The following DCC variants were observed in gnomAD, a reference collection of about 807,000 sequenced individuals.
DCC encodes the protein DCC netrin 1 receptor, also known as netrin receptor DCC.
A neutral mutation model predicts 172.5 loss-of-function variants in DCC; 58 were observed. The observed-to-expected ratio is 0.34, with a 90% CI of 0.27 to 0.42. The LOEUF (loss-of-function observed/expected upper bound fraction) is 0.42. Ranked by LOEUF, DCC falls within the 10% of genes least tolerant of loss-of-function variation. The pLI is 1.00. For missense variants in DCC, 1,740 were observed against 1,791.0 expected (o/e 0.97, Z 0.51); for synonymous variants, 709 against 644.5 (o/e 1.10, Z -1.52).
rs139837043 is a variant in DCC, at chr18:53,265,726, C to T, written c.1912-39852C>T. The stretch of plus-strand genomic sequence containing the variant: ...ATGCAGATGATGCAACAGACATTCT[C>T]AGCTCCGATCTGTTATCTAGGGCTT... On this transcript the variant is annotated intron_variant, in intron 12 of 28. Coordinates refer to ENST00000442544, the MANE Select transcript of DCC (RefSeq NM_005215.4). Among the ~76,000 whole-genome samples, 6 of 152,344 alleles carry T rather than the reference C, an allele frequency of 3.9e-5. No homozygotes were observed. The East Asian group carries it at 1.2e-3, about 29-fold the overall frequency.
chr18:53,073,920 A>T (rs180892399), intron 7 of DCC, among the ~76,000 whole-genome samples: 29 of 151,354 alleles, frequency 1.9e-4, no homozygotes, highest in African/African-American at 6.8e-4. Context: ...TAATATAATT[A>T]CATTATAATT....
chr18:52,439,076 G>C (rs368031191), intron 1 of DCC, among the ~76,000 whole-genome samples: 9 of 152,030 alleles, frequency 5.9e-5, no homozygotes, highest in African/African-American at 2.2e-4. Flanking sequence ...AGGTAAATTC[G>C]AAATTAATAC....
At chr18:52,505,663 C>T (rs1352336774) in intron 1 of DCC, among the ~76,000 whole-genome samples, 2 of 152,104 alleles carry the variant, frequency 1.3e-5, no homozygotes, top group African/African-American at 4.8e-5. Context: ...TTTAAGTCCA[C>T]ACCATCTGAG....
intron 15 of DCC, among the ~76,000 whole-genome samples, chr18:53,349,718 C>A (rs1395435482): frequency 6.6e-6 from 1 of 152,172 alleles, no homozygotes; most frequent in Non-Finnish European, 1.5e-5. Flanking sequence ...ATAGAAACTC[C>A]CTTTTTTAAA....
chr18:52,833,837 ATT>A (rs1313256782), intron 2 of DCC, among the ~76,000 whole-genome samples: 1 of 151,830 alleles, frequency 6.6e-6, no homozygotes, highest in African/African-American at 2.4e-5. Context: ...ATTAAAAAAA[ATT>A]TTTTTGTAGA....
intron 1 of DCC, among the ~76,000 whole-genome samples, chr18:52,668,031 G>A (rs529503110): frequency 1.2e-4 from 18 of 149,746 alleles, no homozygotes; most frequent in African/African-American, 4.1e-4. Flanking sequence ...TTTCCTTAAC[G>A]AGTAGAGAAG....
chr18:52,766,295 G>C (rs2037251379), intron 2 of DCC, among the ~76,000 whole-genome samples: 1 of 152,222 alleles, frequency 6.6e-6, no homozygotes, highest in South Asian at 2.1e-4. Flanking sequence ...GGAAGGCCCA[G>C]AGGGTGTGTT....
intron 5 of DCC, among the ~76,000 whole-genome samples, chr18:52,992,508 C>A (rs1321207230): frequency 6.6e-6 from 1 of 152,132 alleles, no homozygotes; most frequent in African/African-American, 2.4e-5. Flanking sequence ...TGGTTAATTT[C>A]TTTATCCAGT....
At chr18:52,942,451 T>C (rs1406691554) in intron 5 of DCC, among the ~76,000 whole-genome samples, 1 of 152,218 alleles carries the variant, frequency 6.6e-6, no homozygotes, top group Non-Finnish European at 1.5e-5. Context: ...GTGCCTCCTA[T>C]GTTTGTTCAT....
intron 9 of DCC, among the ~76,000 whole-genome samples, chr18:53,193,934 A>C (rs1026250163): frequency 6.6e-5 from 10 of 152,206 alleles, no homozygotes; most frequent in Admixed American, 5.9e-4. Flanking sequence ...CCTCTAATAA[A>C]TGACAGCAGG....
intron 1 of DCC, among the ~76,000 whole-genome samples, chr18:52,454,490 G>T (rs1009255562): frequency 2.0e-5 from 3 of 148,038 alleles, no homozygotes; most frequent in African/African-American, 7.4e-5. Context: ...CTTTGAACTA[G>T]TTTTTTTTTT....
intron 1 of DCC, among the ~76,000 whole-genome samples, chr18:52,662,219 C>T (rs766914060): frequency 3.3e-5 from 5 of 152,082 alleles, no homozygotes; most frequent in East Asian, 1.9e-4. Flanking sequence ...AACAAGTTAC[C>T]GGATAGATCC....
intron 22 of DCC, among the ~76,000 whole-genome samples, chr18:53,442,326 T>G: frequency 6.6e-6 from 1 of 152,240 alleles, no homozygotes; most frequent in South Asian, 2.1e-4. Flanking sequence ...TTGGTAATTT[T>G]TCTAATATTT....
intron 1 of DCC, among the ~76,000 whole-genome samples, chr18:52,517,887 T>A (rs2031690288): frequency 1.3e-5 from 2 of 152,370 alleles, no homozygotes; most frequent in East Asian, 1.9e-4. Flanking sequence ...CCATTGATTA[T>A]GCTTGTAGTT....
chr18:52,473,639 C>G (rs982336200), intron 1 of DCC, among the ~76,000 whole-genome samples: 2 of 152,126 alleles, frequency 1.3e-5, no homozygotes, highest in Admixed American at 6.6e-5. Context: ...ACCATCAGCT[C>G]TCGTGAGAAC....
At chr18:52,787,167 T>C (rs1435887908) in intron 2 of DCC, among the ~76,000 whole-genome samples, 1 of 152,154 alleles carries the variant, frequency 6.6e-6, no homozygotes, top group Non-Finnish European at 1.5e-5. Flanking sequence ...TCCAAAAAGG[T>C]TGCTTTAACT....
In DCC at chr18:52,356,771, G is replaced by A. The variant is rs544228764; in HGVS notation, c.91+15893G>A. On this transcript the variant is annotated intron_variant, in intron 1 of 28. Coordinates refer to ENST00000442544, the MANE Select transcript of DCC (RefSeq NM_005215.4). Reference sequence around the variant, plus strand: ...GATCACACAGAAGTTACCTGTTCTGGCTGGAAAACCTAAATCATTTTTTTT... The same window carrying A: ...GATCACACAGAAGTTACCTGTTCTGACTGGAAAACCTAAATCATTTTTTTT... Among the ~76,000 whole-genome samples the A allele has an allele frequency of 1.3e-4, 18 of 136,398 alleles. 1 individual carries two copies. Among genetic ancestry groups the A allele is most frequent in the African/African-American group, 4.4e-4 (16 of 36,694 alleles). The allele number at this position is 136,398 out of a possible 152,430, so 89.5% of individuals were successfully genotyped here. A position where few individuals can be genotyped will look rare whatever the true frequency, so the allele number is the denominator to read the frequency against.
intron 1 of DCC, among the ~76,000 whole-genome samples, chr18:52,620,444 C>T (rs1344604380): frequency 2.6e-5 from 4 of 152,288 alleles, no homozygotes; most frequent in Admixed American, 2.0e-4. Flanking sequence ...TAAATTAACC[C>T]ATCTTCAAGG....
intron 5 of DCC, among the ~76,000 whole-genome samples, chr18:52,950,905 G>C (rs924501156): frequency 3.2e-5 from 4 of 123,534 alleles, no homozygotes; most frequent in Non-Finnish European, 6.3e-5. Context: ...ACTCTAGCCT[G>C]GGCGACAGAG....
Sources: gnomAD v4.1 joint callset for allele counts (sites outside exome capture counted in the v4.1 genomes callset) on GRCh38, gnomAD v4.1.1 for gene constraint, MANE v1.5 for transcripts, NCBI Gene and HGNC (gene_info 2026-07-23, HGNC 2026-07-21) for gene names.